FRMD4A: variants seen among roughly 807,000 people sequenced by gnomAD.
The protein encoded by FRMD4A is FERM domain containing 4A.
FRMD4A carries 29 observed loss-of-function variants against 129.1 expected under a neutral mutation model. That is an observed-to-expected ratio of 0.22 (90% CI 0.17 to 0.31). The LOEUF is 0.31. Among genes scored for constraint, FRMD4A ranks in the 10% least tolerant of loss-of-function variants. FRMD4A has a pLI of 1.00. For synonymous variants in FRMD4A, 634 were observed against 571.6 expected (o/e 1.11, Z -1.56); for missense variants, 1,272 against 1,375.8 (o/e 0.92, Z 1.19).
chr10:13,917,403 C>T (rs1349710202), intron 2 of FRMD4A, among the ~76,000 whole-genome samples: 4 of 151,658 alleles, frequency 2.6e-5, no homozygotes, highest in Non-Finnish European at 5.9e-5. Context: ...GATTCTCCTG[C>T]CTCACCCTCC....
intron 2 of FRMD4A, among the ~76,000 whole-genome samples, chr10:14,175,000 G>A (rs1335750777): frequency 6.6e-6 from 1 of 151,678 alleles, no homozygotes; most frequent in Admixed American, 6.6e-5. Context: ...TGGTCACTTG[G>A]AAAAAAATAC....
intron 11 of FRMD4A, among the ~76,000 whole-genome samples, chr10:13,738,507 C>T (rs2090783679): frequency 6.6e-6 from 1 of 152,210 alleles, no homozygotes; most frequent in African/African-American, 2.4e-5. Context: ...AGGTCCTGCT[C>T]ACCCAAGATG....
chr10:14,241,508 C>T (rs1438228954), intron 2 of FRMD4A, among the ~76,000 whole-genome samples: 1 of 151,490 alleles, frequency 6.6e-6, no homozygotes, highest in Admixed American at 6.6e-5. Context: ...ATTTTTAATT[C>T]TTGGTTAAAA....
Position 14,158,837 on chromosome 10 carries a change from A to AGAGGAG in FRMD4A, c.45+171215_45+171220dup, listed in dbSNP as rs71388159. Among the ~76,000 whole-genome samples, 857 of 137,110 alleles carry AGAGGAG rather than the reference A, an allele frequency of 6.3e-3. 7 individuals carry two copies. Among genetic ancestry groups the AGAGGAG allele is most frequent in the East Asian group, 0.024 (105 of 4,438 alleles). 89.9% of individuals were successfully genotyped at this position (137,110 alleles called of 152,430 possible). On this transcript the variant is annotated intron_variant, in intron 2 of 24. Transcript: ENST00000357447. ...GAAGGAAGAAGAGGGAGGAGGAGAA[A>AGAGGAG]GAGGAGGAGGAGGAGGAGGAGGAGG...
At chr10:14,247,210 T>C (rs751947935) in intron 2 of FRMD4A, among the ~76,000 whole-genome samples, 63 of 152,112 alleles carry the variant, frequency 4.1e-4, no homozygotes, top group Non-Finnish European at 2.6e-4. Context: ...GTGATGGCCA[T>C]GCCCAGAGTC....
chr10:14,242,745 G>A (rs1844093469), intron 2 of FRMD4A, among the ~76,000 whole-genome samples: 1 of 152,220 alleles, frequency 6.6e-6, no homozygotes, highest in African/African-American at 2.4e-5. Flanking sequence ...CTTTTCATGG[G>A]GAGGTCAGAC....
intron 2 of FRMD4A, among the ~76,000 whole-genome samples, chr10:14,299,818 A>G (rs1174487041): frequency 6.6e-6 from 1 of 152,220 alleles, no homozygotes; most frequent in African/African-American, 2.4e-5. Context: ...AGGGAAGATT[A>G]GAAGAATACA....
rs147526162 is a variant in FRMD4A at position 13,644,646 on chromosome 10, A to G, written c.*2392T>C. 59 of 152,370 alleles carry G rather than the reference A, an allele frequency of 3.9e-4. No homozygotes were observed. The highest frequency in any genetic ancestry group is 1.3e-3 in the African/African-American group (54 of 41,594). 9.4% of individuals were successfully genotyped at this position (152,370 alleles called of 1,614,324 possible). A position where few individuals can be genotyped will look rare whatever the true frequency, so the allele number is the denominator to read the frequency against. On this transcript the variant is annotated 3_prime_UTR_variant, in exon 25 of 25. Transcript: ENST00000357447. ...CAGACTAGATTTCAAGCTACTATGC[A>G]TGATGTAGAACATGTAACCATGTAA...
intron 2 of FRMD4A, chr10:14,326,250 C>A (rs1360020279): frequency 6.6e-6 from 1 of 152,144 alleles, no homozygotes; most frequent in East Asian, 1.9e-4. Flanking sequence ...GGATTCCTCA[C>A]CTGGAAACAC....
chr10:13,744,002 T>C (rs1056789878), intron 9 of FRMD4A, among the ~76,000 whole-genome samples: 1 of 151,974 alleles, frequency 6.6e-6, no homozygotes, highest in African/African-American at 2.4e-5. Context: ...AAAAGGCAAA[T>C]GATCAAAGCT....
intron 2 of FRMD4A, among the ~76,000 whole-genome samples, chr10:14,298,096 G>A (rs966599667): frequency 1.3e-5 from 2 of 152,152 alleles, no homozygotes; most frequent in African/African-American, 2.4e-5. Flanking sequence ...ATCTAAGTTT[G>A]CTTTCACACT....
chr10:13,929,856 T>C (rs962596522), intron 2 of FRMD4A, among the ~76,000 whole-genome samples: 3 of 152,204 alleles, frequency 2.0e-5, no homozygotes, highest in African/African-American at 7.2e-5. Context: ...ACTTGAACTT[T>C]CTTTGTGTCA....
At chr10:14,206,210 A>G (rs1842776938) in intron 2 of FRMD4A, among the ~76,000 whole-genome samples, 1 of 152,216 alleles carries the variant, frequency 6.6e-6, no homozygotes, top group Non-Finnish European at 1.5e-5. Context: ...AAGGACACAC[A>G]AGGCTCTCAT....
At chr10:13,835,807 T>C (rs982626851) in intron 3 of FRMD4A, among the ~76,000 whole-genome samples, 1 of 152,148 alleles carries the variant, frequency 6.6e-6, no homozygotes, top group African/African-American at 2.4e-5. Context: ...GCACAAGAAA[T>C]GTAATGTGCT....
chr10:14,152,193 T>A (rs1303754546), intron 2 of FRMD4A, among the ~76,000 whole-genome samples: 3 of 140,084 alleles, frequency 2.1e-5, no homozygotes, highest in Non-Finnish European at 4.5e-5. Context: ...AGTGGCATGA[T>A]CTTGGTTCAC....
chr10:13,742,989 T>A (rs1327671923), intron 9 of FRMD4A, among the ~76,000 whole-genome samples: 1 of 152,228 alleles, frequency 6.6e-6, no homozygotes, highest in African/African-American at 2.4e-5. Context: ...CTCCAACTAG[T>A]ATCTTTTAAT....
At position 14,294,698 on chromosome 10, in the gene FRMD4A, A is replaced by G. The variant is rs183635511; in HGVS notation, c.45+35360T>C. 2.8e-4 allele frequency among the ~76,000 whole-genome samples: 43 copies of G among 152,356 alleles called. No homozygotes were observed. The East Asian group carries it at 6.2e-3, about 22-fold the overall frequency. On this transcript the variant is annotated intron_variant, in intron 2 of 24. Transcript: ENST00000357447. The stretch of plus-strand genomic sequence containing the variant: ...ACCTGCTGACACTATTTGTAATGGC[A>G]TAGAAAGGTCACTAAAGCCTAAATC...
intron 9 of FRMD4A, among the ~76,000 whole-genome samples, chr10:13,742,434 C>T (rs376430277): frequency 6.6e-6 from 1 of 152,220 alleles, no homozygotes; most frequent in African/African-American, 2.4e-5. Flanking sequence ...TCTTACTCCT[C>T]TTCACCCTCC....
At chr10:13,836,726 G>T (rs2093880025) in intron 3 of FRMD4A, among the ~76,000 whole-genome samples, 1 of 151,646 alleles carries the variant, frequency 6.6e-6, no homozygotes, top group Admixed American at 6.6e-5. Context: ...ACTAACCAGG[G>T]GTCTTCACTC....
Sources: allele counts gnomAD v4.1 joint callset (sites outside exome capture counted in the v4.1 genomes callset), GRCh38; gene constraint gnomAD v4.1.1; transcripts MANE v1.5; gene names NCBI Gene and HGNC (gene_info 2026-07-23, HGNC 2026-07-21).